ARAP2: variants seen among roughly 807,000 people sequenced by gnomAD.
ARAP2 encodes ArfGAP with RhoGAP domain, ankyrin repeat and PH domain 2, also known as arf-GAP with Rho-GAP domain, ANK repeat and PH domain-containing protein 2.
A neutral mutation model predicts 194.5 loss-of-function variants in ARAP2; 148 were observed. The ratio of observed to expected loss-of-function variants is 0.76; its 90% CI spans 0.67 to 0.87. ARAP2 has a LOEUF of 0.87. Among genes scored for constraint, ARAP2 ranks in the 40% least tolerant of loss-of-function variants. ARAP2 has a pLI of 0.00. For synonymous variants in ARAP2, 695 were observed against 683.5 expected, an observed-to-expected ratio of 1.02 and a Z score of -0.26; for missense variants, 2,128 against 1,989.7, an observed-to-expected ratio of 1.07 and a Z score of -1.32.
chr4:36,014,534 C>A (rs1162323592), intron 8 of ARAP2, among the ~76,000 whole-genome samples: 1 of 152,114 alleles, frequency 6.6e-6, no homozygotes, highest in Non-Finnish European at 1.5e-5. Flanking sequence ...AAAATTCATA[C>A]AATTCTATAA....
At chr4:36,029,641 T>C (rs1718579284) in intron 5 of ARAP2, among the ~76,000 whole-genome samples, 1 of 152,056 alleles carries the variant, frequency 6.6e-6, no homozygotes, top group African/African-American at 2.4e-5. Context: ...CTTAACTGGG[T>C]ATAATATTTT....
intron 19 of ARAP2, among the ~76,000 whole-genome samples, chr4:36,136,622 T>C (rs899434740): frequency 1.3e-5 from 2 of 151,584 alleles, no homozygotes; most frequent in Non-Finnish European, 2.9e-5. Context: ...GAAAAGCAAA[T>C]GAAATACTCT....
At chr4:36,094,355 CT>C (rs1159339530) in intron 27 of ARAP2, among the ~76,000 whole-genome samples, 2 of 152,080 alleles carry the variant, frequency 1.3e-5, no homozygotes, top group Non-Finnish European at 2.9e-5. Context: ...TTTCAGAGAC[CT>C]TATGGCTTAC....
chr4:36,080,717 A>G (rs1004262068), intron 30 of ARAP2, among the ~76,000 whole-genome samples: 2 of 152,192 alleles, frequency 1.3e-5, no homozygotes, highest in African/African-American at 4.8e-5. Flanking sequence ...AATTGTAAAC[A>G]CTAATACCCA....
chr4:36,102,425 G>C (rs565330945), intron 27 of ARAP2, among the ~76,000 whole-genome samples: 2 of 151,860 alleles, frequency 1.3e-5, no homozygotes, highest in South Asian at 4.2e-4. Context: ...TCTAAAATTT[G>C]GTCAGTACTT....
chr4:36,070,132 G>T (rs540155752), intron 32 of ARAP2, among the ~76,000 whole-genome samples: 1 of 152,150 alleles, frequency 6.6e-6, no homozygotes, highest in East Asian at 1.9e-4. Flanking sequence ...TAGCAATGAG[G>T]GAATAGACTA....
intron 9 of ARAP2, among the ~76,000 whole-genome samples, chr4:36,171,396 C>T (rs1296128133): frequency 6.6e-6 from 1 of 152,106 alleles, no homozygotes; most frequent in East Asian, 1.9e-4. Context: ...TGGAAACCAT[C>T]ATTCTCAGCA....
chr4:36,240,308 T>C (rs115614531), intron 1 of ARAP2, among the ~76,000 whole-genome samples: 1,545 of 152,336 alleles, frequency 0.01, 17 homozygotes, highest in African/African-American at 0.035. Context: ...CATAGTAGTA[T>C]TACATTCCTT....
intron 7 of ARAP2, among the ~76,000 whole-genome samples, chr4:36,188,864 C>T (rs1182643934): frequency 6.6e-6 from 1 of 152,178 alleles, no homozygotes; most frequent in Non-Finnish European, 1.5e-5. Flanking sequence ...TCATCATTAG[C>T]ATCATGGCAT....
At chr4:36,197,991 G>A (rs1224402011) in intron 6 of ARAP2, among the ~76,000 whole-genome samples, 1 of 152,218 alleles carries the variant, frequency 6.6e-6, no homozygotes, top group Non-Finnish European at 1.5e-5. Flanking sequence ...AGAAGGCGAA[G>A]TGTTTCAGCC....
rs371038340 is a variant in ARAP2, at chr4:36,105,447, A to G, written c.4285+2118T>C. Among the ~76,000 whole-genome samples the G allele has an allele frequency of 1.2e-4, 19 of 152,094 alleles. No individual in the cohort carries two copies. In the South Asian group the frequency reaches 3.5e-3, roughly 28 times the overall value. On this transcript the variant is annotated intron_variant, in intron 27 of 32. Coordinates refer to ENST00000303965, the MANE Select transcript of ARAP2 (RefSeq NM_015230.4). ...CTAGTTCTTCTCTAGCTTTTTTTCT[A>G]CAAGATTCTTTGTCTAGATCTTACA...
At chr4:36,173,387 C>T (rs568474289) in intron 9 of ARAP2, among the ~76,000 whole-genome samples, 90 of 152,196 alleles carry the variant, frequency 5.9e-4, no homozygotes, top group African/African-American at 2.0e-3. Context: ...CACTATACAC[C>T]TATCATTTAA....
intron 1 of ARAP2, among the ~76,000 whole-genome samples, chr4:36,240,008 C>T (rs1015230846): frequency 1.3e-5 from 2 of 152,080 alleles, no homozygotes; most frequent in African/African-American, 4.8e-5. Flanking sequence ...GCACAATGCC[C>T]GAATTCCAGT....
chr4:36,091,857 T>G, intron 28 of ARAP2, 24 bp downstream of exon 28: 1 of 1,553,894 alleles, frequency 6.4e-7, no homozygotes, highest in South Asian at 1.2e-5. Flanking sequence ...CAAATAAAAA[T>G]GTACGCATGT....
Position 36,031,792 on chromosome 4 carries a change from C to A in ARAP2, n.608-12506G>T, listed in dbSNP as rs192805062. On this transcript the variant is annotated intron_variant and non_coding_transcript_variant, in intron 5 of 12. Coordinates refer to the ARAP2 transcript ENST00000503225. ...CAAGTGATTCTCCTGCCTCAGCCCC[C>A]CAAGTAGCTGGGATTACAGGCGCCC... 5.1e-3 allele frequency among the ~76,000 whole-genome samples: 772 copies of A among 152,160 alleles called. 9 individuals are homozygous for A. The highest frequency in any genetic ancestry group is 0.018 in the African/African-American group (731 of 41,504).
intron 27 of ARAP2, among the ~76,000 whole-genome samples, chr4:36,092,819 C>G (rs958147114): frequency 1.7e-4 from 26 of 152,002 alleles, no homozygotes; most frequent in African/African-American, 6.0e-4. Context: ...CTGGTATAAA[C>G]AATGCAAATG....
intron 27 of ARAP2, 57 bp from the exon 28 acceptor site, chr4:36,092,077 C>G: frequency 6.9e-7 from 1 of 1,451,008 alleles, no homozygotes; most frequent in South Asian, 1.6e-5. Context: ...ATTTGAAATA[C>G]AATACAAAAC....
At chr4:36,123,535 C>T (rs1723170044) in intron 22 of ARAP2, among the ~76,000 whole-genome samples, 1 of 151,626 alleles carries the variant, frequency 6.6e-6, no homozygotes, top group South Asian at 2.1e-4. Flanking sequence ...CCTTTTCTTC[C>T]TTTACTTCTC....
intron 14 of ARAP2, 70 bp downstream of exon 14, chr4:36,159,261 T>C: frequency 1.5e-6 from 2 of 1,333,214 alleles, no homozygotes; most frequent in Non-Finnish European, 2.0e-6. Flanking sequence ...GAAAAATCAA[T>C]AGATTTATGC....
Sources: gnomAD v4.1 joint callset for allele counts (sites outside exome capture counted in the v4.1 genomes callset) on GRCh38, gnomAD v4.1.1 for gene constraint, MANE v1.5 for transcripts, NCBI Gene and HGNC (gene_info 2026-07-23, HGNC 2026-07-21) for gene names.